Variants in CNNM4 observed in about 807,000 individuals in gnomAD.
The protein encoded by CNNM4 is cyclin and CBS domain divalent metal cation transport mediator 4, also known as metal transporter CNNM4.
CNNM4 carries 32 observed loss-of-function variants against 53.7 expected under a neutral mutation model. The observed-to-expected ratio is 0.60, with a 90% confidence interval of 0.45 to 0.80. The LOEUF is 0.80. CNNM4 is among the 30% of genes least tolerant of loss of function. CNNM4 has a pLI of 0.00. For missense variants in CNNM4, 784 were observed against 1,022.0 expected, an observed-to-expected ratio of 0.77 and a Z score of 3.17; for synonymous variants, 410 against 440.0, an observed-to-expected ratio of 0.93 and a Z score of 0.85.
chr2:96,784,829 T>C (rs1012814314), intron 1 of CNNM4, among the ~76,000 whole-genome samples: 1 of 152,066 alleles, frequency 6.6e-6, no homozygotes, highest in Admixed American at 6.6e-5. Context: ...CAGGGGGAGG[T>C]TGACCATGTC....
At position 96,801,275 on chromosome 2, in the gene CNNM4, G is replaced by A. The variant is rs2079155274; in HGVS notation, c.1948+1627G>A. ...GACCTCAGTGGCTCTGCTTGGCTGG[G>A]GCCCAATTTCTAGGCAGCTTTGCTG... On this transcript the variant is annotated intron_variant, in intron 5 of 6. Coordinates refer to ENST00000377075, the MANE Select transcript of CNNM4 (RefSeq NM_020184.4). The surrounding 1 kb of genome is among the most constrained non-coding windows in gnomAD (Gnocchi z 5.6). The A allele has an allele frequency of 5.9e-6, 2 of 341,586 alleles. No individual in the cohort carries two copies. The highest frequency in any genetic ancestry group is 8.3e-6 in the Non-Finnish European group (2 of 241,560). 21.2% of individuals were successfully genotyped at this position (341,586 alleles called of 1,614,324 possible).
chr2:96,761,296 C>T lies in CNNM4; in HGVS notation c.297C>T (p.Ala99=), dbSNP rs752757285. 15 of 1,613,898 alleles carry T rather than the reference C, an allele frequency of 9.3e-6. No individual in the cohort carries two copies. The highest frequency in any genetic ancestry group is 1.3e-5 in the African/African-American group (1 of 74,940). ...TCTCCTTCACCGAGGTGGACGATGC[C>T]GAGACCCTCCACAAGTCCACCAGCT... is the stretch of plus-strand genomic sequence containing the variant. The part of the protein sequence containing the change: ...NLISFTEVDD[A]ETLHKSTSCL... Residue 99 remains alanine, a synonymous_variant, in exon 1 of 7, where the codon GCC becomes GCT. Transcript: ENST00000377075. The surrounding 1 kb of genome is among the most constrained non-coding windows in gnomAD (Gnocchi z 6.0).
chr2:96,762,734 T>G (rs1320330531), intron 1 of CNNM4, among the ~76,000 whole-genome samples: 2 of 151,736 alleles, frequency 1.3e-5, no homozygotes, highest in African/African-American at 4.8e-5. Flanking sequence ...CGATGGAGAT[T>G]TAGAGTATGG....
intron 1 of CNNM4, among the ~76,000 whole-genome samples, chr2:96,776,607 T>C (rs2078926583): frequency 6.6e-6 from 1 of 152,160 alleles, no homozygotes; most frequent in South Asian, 2.1e-4. Flanking sequence ...AATAAACCTC[T>C]TTTCATCCCC....
Position 96,761,943 on chromosome 2 carries a change from C to T in CNNM4, c.944C>T (p.Pro315Leu). ...LTKFFMLLTFPLSFPISKLLD... is the reference protein window; with the variant it reads ...LTKFFMLLTFLLSFPISKLLD... Reference sequence around the variant, plus strand: ...AAATTCTTTATGCTACTCACCTTCCCCCTCAGTTTTCCCATTAGCAAGCTC... The same window carrying T: ...AAATTCTTTATGCTACTCACCTTCCTCCTCAGTTTTCCCATTAGCAAGCTC... The change falls in exon 1 of 7, where the codon CCC becomes CTC. Residue 315 changes from proline to leucine, a missense_variant. Around this residue, in one of 3 missense-constraint regions of CNNM4, gnomAD observed 473 missense variants for 624.6 expected, o/e 0.76. Coordinates refer to ENST00000377075, the MANE Select transcript of CNNM4 (RefSeq NM_020184.4). The surrounding 1 kb of genome is among the most constrained non-coding windows in gnomAD (Gnocchi z 6.0). 8 of 1,614,192 alleles carry T rather than the reference C, an allele frequency of 5.0e-6. No individual in the cohort carries two copies. Among genetic ancestry groups the T allele is most frequent in the Non-Finnish European group, 6.8e-6 (8 of 1,180,030 alleles).
At chr2:96,781,633 C>G (rs2078976276) in intron 1 of CNNM4, among the ~76,000 whole-genome samples, 1 of 152,212 alleles carries the variant, frequency 6.6e-6, no homozygotes, top group Non-Finnish European at 1.5e-5. Flanking sequence ...AATGTATTCA[C>G]CAACCAGGAA....
chr2:96,791,468 CT>C (rs1158842352), intron 1 of CNNM4, among the ~76,000 whole-genome samples: 2 of 151,146 alleles, frequency 1.3e-5, no homozygotes, highest in Non-Finnish European at 1.5e-5. Flanking sequence ...TCCGTCTCTA[CT>C]AAAAATACAA....
In CNNM4 at chr2:96,799,214, C is replaced by T. The variant is rs761405406; in HGVS notation, c.1839C>T (p.Ile613=). 1.1e-5 allele frequency: 18 copies of T among 1,614,098 alleles called. No homozygotes were observed. Among genetic ancestry groups the T allele is most frequent in the Non-Finnish European group, 1.4e-5 (16 of 1,180,046 alleles). The change falls in exon 4 of 7, where the codon ATC becomes ATT. Residue 613 remains isoleucine (I), a synonymous_variant. Transcript: ENST00000377075. The part of the protein sequence containing the change: ...YTRNKPADYF[I]LILQGKVEVE... ...GAAATAAGCCGGCCGACTACTTCATCCTCATCCTGCAGGTGAGCCCGCTCA... is the reference window on the plus strand; with the variant it reads ...GAAATAAGCCGGCCGACTACTTCATTCTCATCCTGCAGGTGAGCCCGCTCA...
At chr2:96,775,775 G>A (rs140078377) in intron 1 of CNNM4, among the ~76,000 whole-genome samples, 260 of 152,226 alleles carry the variant, frequency 1.7e-3, no homozygotes, top group African/African-American at 6.1e-3. Flanking sequence ...ATCCAGGCTG[G>A]AGTATAGTAG....
In CNNM4 at chr2:96,774,130, C is replaced by A. The variant is rs565262004; in HGVS notation, c.1402+11729C>A. ...CGCATCCATGTTCCGACTGCAGGAG[C>A]GTCATGTGAGGGCTGCCCTGTGGGA... is the stretch of plus-strand genomic sequence containing the variant. On this transcript the variant is annotated intron_variant, in intron 1 of 6. Transcript: ENST00000377075. 1.7e-4 allele frequency among the ~76,000 whole-genome samples: 26 copies of A among 152,246 alleles called. No individual in the cohort carries two copies. The South Asian group carries it at 2.1e-3, about 12-fold the overall frequency.
intron 1 of CNNM4, among the ~76,000 whole-genome samples, chr2:96,779,054 T>TCACGCCATTCTCCTGCCTC (rs1427023384): frequency 3.9e-5 from 6 of 152,232 alleles, no homozygotes; most frequent in African/African-American, 1.4e-4. Context: ...CCTCCTGGCT[T>TCACGCCATTCTCCTGCCTC]CACGCCATTC....
intron 1 of CNNM4, among the ~76,000 whole-genome samples, chr2:96,777,600 A>G (rs959476339): frequency 1.3e-5 from 2 of 152,024 alleles, no homozygotes; most frequent in Non-Finnish European, 2.9e-5. Flanking sequence ...TCCTGGGTTC[A>G]AGTGATTCTC....
Position 96,808,639 on chromosome 2 carries a change from CAGCAACCTT to C in CNNM4, c.2028_2036del (p.Thr678_Ala680del), listed in dbSNP as rs764389965. On this transcript the variant is annotated inframe_deletion, in exon 6 of 7. Coordinates refer to ENST00000377075, the MANE Select transcript of CNNM4 (RefSeq NM_020184.4). This position sits in a 1 kb window ranked among gnomAD's most constrained non-coding sequence, Gnocchi z 4.9. The stretch of plus-strand genomic sequence containing the variant: ...CCAGACCGCACAGACGTCTCAACTG[CAGCAACCTT>C]GGCAGGCAGCAGCAACCAGTTTGGC... 8 of 1,614,234 alleles carry C rather than the reference CAGCAACCTT, an allele frequency of 5.0e-6. No homozygotes were observed. The Middle Eastern group carries it at 6.6e-4, about 133-fold the overall frequency.
chr2:96,783,469 A>G (rs2078991269), intron 1 of CNNM4, among the ~76,000 whole-genome samples: 1 of 151,462 alleles, frequency 6.6e-6, no homozygotes, highest in South Asian at 2.1e-4. Context: ...GACACAGTTC[A>G]CTCCTCTCTC....
At chr2:96,792,979 C>T (rs1026843259) in intron 1 of CNNM4, among the ~76,000 whole-genome samples, 1 of 151,974 alleles carries the variant, frequency 6.6e-6, no homozygotes, top group African/African-American at 2.4e-5. Flanking sequence ...CTGGAGGGCA[C>T]GGGAGAGGAC....
At chr2:96,789,135 C>T (rs1187081860) in intron 1 of CNNM4, among the ~76,000 whole-genome samples, 3 of 151,978 alleles carry the variant, frequency 2.0e-5, no homozygotes, top group Non-Finnish European at 4.4e-5. Flanking sequence ...TGGCGAGGAG[C>T]GAGGGCACTA....
At chr2:96,799,841 A>T (rs1435266170) in intron 5 of CNNM4, among the ~76,000 whole-genome samples, 193 bp downstream of exon 5, 1 of 152,038 alleles carries the variant, frequency 6.6e-6, no homozygotes, top group Non-Finnish European at 1.5e-5. Context: ...GCCACTTTGG[A>T]TGGGGTCCAG....
At chr2:96,779,281 A>G (rs2078953369) in intron 1 of CNNM4, among the ~76,000 whole-genome samples, 1 of 152,048 alleles carries the variant, frequency 6.6e-6, no homozygotes, top group Non-Finnish European at 1.5e-5. Context: ...TAAAAGCTGT[A>G]TGGAATCACT....
At chr2:96,770,321 G>A (rs1038464777) in intron 1 of CNNM4, among the ~76,000 whole-genome samples, 2 of 152,296 alleles carry the variant, frequency 1.3e-5, no homozygotes, top group South Asian at 2.1e-4. Context: ...GGGAAGCACC[G>A]AGCAGATGTT....
Sources: allele counts gnomAD v4.1 joint callset (sites outside exome capture counted in the v4.1 genomes callset), GRCh38; gene constraint gnomAD v4.1.1; regional missense constraint gnomAD v4.1.1; non-coding constraint Gnocchi (gnomAD v3.1); transcripts MANE v1.5; gene names NCBI Gene and HGNC (gene_info 2026-07-23, HGNC 2026-07-21).